NTAQ1: variants seen among roughly 807,000 people sequenced by gnomAD.
The protein encoded by NTAQ1 is protein N-terminal glutamine amidohydrolase.
NTAQ1 carries 21 observed loss-of-function variants against 28.2 expected under a neutral mutation model. The observed-to-expected ratio is 0.74, with a 90% CI of 0.53 to 1.07. The LOEUF is 1.07. NTAQ1 is among the 50% of genes least tolerant of loss of function. The pLI, the probability that NTAQ1 is intolerant of heterozygous loss-of-function variation, is 0.00. For synonymous variants in NTAQ1, 105 were observed against 90.0 expected, an observed-to-expected ratio of 1.17 and a Z score of -0.94; for missense variants, 264 against 256.6, an observed-to-expected ratio of 1.03 and a Z score of -0.20.
chr8:123,441,581 TAAA>T lies in NTAQ1; in HGVS notation c.*169_*171del. Reference sequence around the variant, plus strand: ...TGAATACAAATATAAATGAACAACATAAAAACTTTTGTTTTGACATGTCAAATT... The same window carrying T: ...TGAATACAAATATAAATGAACAACATAACTTTTGTTTTGACATGTCAAATT... On this transcript the variant is annotated 3_prime_UTR_variant, in exon 6 of 6. Coordinates refer to ENST00000287387, the MANE Select transcript of NTAQ1 (RefSeq NM_018024.3). 1 of 655,124 alleles carries T rather than the reference TAAA, an allele frequency of 1.5e-6. No individual in the cohort carries two copies. Among genetic ancestry groups the T allele is most frequent in the Non-Finnish European group, 2.6e-6 (1 of 380,334 alleles). The allele number at this position is 655,124 out of a possible 1,614,324, so 40.6% of individuals were successfully genotyped here. A position where few individuals can be genotyped will look rare whatever the true frequency, so the allele number is the denominator to read the frequency against.
intron 1 of NTAQ1, among the ~76,000 whole-genome samples, chr8:123,427,186 T>A (rs1029164064): frequency 6.6e-6 from 1 of 151,342 alleles, no homozygotes; most frequent in African/African-American, 2.4e-5. Context: ...TTACAGTATA[T>A]GATTATGCCC....
In NTAQ1 at chr8:123,416,886, C is replaced by T. The variant is rs1315502491; in HGVS notation, c.37C>T (p.Pro13Ser). The T allele has an allele frequency of 3.9e-6, 6 of 1,527,820 alleles. No homozygotes were observed. The highest frequency in any genetic ancestry group is 5.3e-6 in the Non-Finnish European group (6 of 1,138,312). 94.6% of individuals were successfully genotyped at this position (1,527,820 alleles called of 1,614,324 possible). ...GNGPAAVHYQ[P>S]ASPPRDACVY... Reference sequence around the variant, plus strand: ...TGGCCCCGCTGCTGTCCACTACCAGCCGGCCAGCCCCCCGCGGGACGCCTG... The same window carrying T: ...TGGCCCCGCTGCTGTCCACTACCAGTCGGCCAGCCCCCCGCGGGACGCCTG... Residue 13 changes from proline to serine, a missense_variant, in exon 1 of 6, where the codon CCG (proline) becomes TCG (serine). Coordinates refer to ENST00000287387, the MANE Select transcript of NTAQ1 (RefSeq NM_018024.3).
Position 123,416,941 on chromosome 8 carries a change from G to C in NTAQ1, c.83+9G>C. The stretch of plus-strand genomic sequence containing the variant: ...TACAGCAGCTGCTACTGGTGAGGGG[G>C]CGCGGGCGCAGCCTCTGGGTCTCCC... On this transcript the variant is annotated intron_variant, in intron 1 of 5. Coordinates refer to ENST00000287387, the MANE Select transcript of NTAQ1 (RefSeq NM_018024.3). 1 of 1,481,358 alleles carries C rather than the reference G, an allele frequency of 6.8e-7. No individual in the cohort carries two copies. The highest frequency in any genetic ancestry group is 1.3e-5 in the South Asian group (1 of 78,380). The allele number at this position is 1,481,358 out of a possible 1,614,324, so 91.8% of individuals were successfully genotyped here.
intron 6 of NTAQ1, chr8:123,447,916 T>A (rs528015319): frequency 2.0e-5 from 3 of 152,376 alleles, no homozygotes; most frequent in Non-Finnish European, 2.9e-5. Flanking sequence ...GGACTACATT[T>A]CCCATTCTCC....
downstream of NTAQ1, among the ~76,000 whole-genome samples, chr8:123,474,368 A>G (rs935754298): frequency 1.3e-5 from 2 of 152,154 alleles, no homozygotes; most frequent in Non-Finnish European, 2.9e-5. Context: ...ATGCCCTCCA[A>G]TTTGGCTTTG....
At chr8:123,464,246 C>T (rs1282225204) in intron 6 of NTAQ1, among the ~76,000 whole-genome samples, 1 of 152,162 alleles carries the variant, frequency 6.6e-6, no homozygotes, top group Non-Finnish European at 1.5e-5. Flanking sequence ...CTAAAGGGAC[C>T]AGTCAATGGA....
intron 6 of NTAQ1, among the ~76,000 whole-genome samples, chr8:123,455,647 A>C (rs1192251285): frequency 6.6e-6 from 1 of 151,400 alleles, no homozygotes; most frequent in Non-Finnish European, 1.5e-5. Flanking sequence ...CTGGTCTGGA[A>C]CCCCTGAGCT....
chr8:123,449,457 T>TA (rs2130370687), downstream of NTAQ1, among the ~76,000 whole-genome samples: 2 of 152,314 alleles, frequency 1.3e-5, no homozygotes, highest in East Asian at 3.9e-4. Flanking sequence ...GGCTCATGCC[T>TA]ATAATCCCAG....
At chr8:123,424,072 G>GTTTTTTTTTTTTTTTTTTTTTTTTTTT (rs35733686) in intron 1 of NTAQ1, among the ~76,000 whole-genome samples, 1 of 85,864 alleles carries the variant, frequency 1.2e-5, no homozygotes. Context: ...ATTTTTATGC[G>GTTTTTTTTTTTTTTTTTTTTTTTTTTT]TTTTTTTTTT....
intron 2 of NTAQ1, 78 bp from the exon 3 acceptor site, chr8:123,429,897 ATCCCGTCT>A: frequency 1.6e-6 from 1 of 639,290 alleles, no homozygotes; most frequent in Non-Finnish European, 2.3e-6. Context: ...AAAAAAAAAA[ATCCCGTCT>A]CAAAAAAAAA....
At chr8:123,444,150 G>A (rs866381523), downstream of NTAQ1, among the ~76,000 whole-genome samples, 17 of 151,684 alleles carry the variant, frequency 1.1e-4, no homozygotes, top group African/African-American at 3.9e-4. Context: ...TTTTCTGTAT[G>A]GAAAGAAGAT....
downstream of NTAQ1, among the ~76,000 whole-genome samples, chr8:123,452,977 G>A (rs1815547436): frequency 1.3e-5 from 2 of 152,192 alleles, no homozygotes; most frequent in African/African-American, 4.8e-5. Context: ...TTCACTTAGA[G>A]TCAATAGGCA....
Position 123,416,821 on chromosome 8 carries a change from G to C in NTAQ1, c.-29G>C. ...CGTCTGGTCCAGTCGGTCTTCCTCC[G>C]GCCCGGGCCCTGGCCCAGCTAGCCG... On this transcript the variant is annotated 5_prime_UTR_variant, in exon 1 of 6. Coordinates refer to ENST00000287387, the MANE Select transcript of NTAQ1 (RefSeq NM_018024.3). The C allele has an allele frequency of 6.6e-7, 1 of 1,518,790 alleles. No individual in the cohort carries two copies. The highest frequency in any genetic ancestry group is 8.8e-7 in the Non-Finnish European group (1 of 1,134,034). The allele number at this position is 1,518,790 out of a possible 1,614,324, so 94.1% of individuals were successfully genotyped here. A position where few individuals can be genotyped will look rare whatever the true frequency, so the allele number is the denominator to read the frequency against.
At chr8:123,456,619 A>G (rs188875610) in intron 6 of NTAQ1, among the ~76,000 whole-genome samples, 4 of 152,346 alleles carry the variant, frequency 2.6e-5, no homozygotes, top group Middle Eastern at 3.4e-3. Flanking sequence ...GTTGTTTTAC[A>G]TGATTGCCTC....
intron 4 of NTAQ1, 26 bp from the exon 5 acceptor site, chr8:123,437,179 CTAATG>C (rs1266093396): frequency 6.2e-7 from 1 of 1,612,084 alleles, no homozygotes; most frequent in Admixed American, 1.7e-5. Context: ...TGACATCTCC[CTAATG>C]TGAGTGTATA....
downstream of NTAQ1, among the ~76,000 whole-genome samples, chr8:123,446,639 G>A (rs966653282): frequency 5.9e-5 from 9 of 152,002 alleles, no homozygotes; most frequent in Admixed American, 2.6e-4. Flanking sequence ...TCCAATTCGC[G>A]CAAGACGAGC....
In NTAQ1 at chr8:123,421,571, C is replaced by T. The variant is rs138598003; in HGVS notation, c.83+4639C>T. Reference sequence around the variant, plus strand: ...TTGCCCAGGGTGGAGTGCAGTGGCTCGATCTCGGCTCACTGCAACCTCTGC... The same window carrying T: ...TTGCCCAGGGTGGAGTGCAGTGGCTTGATCTCGGCTCACTGCAACCTCTGC... On this transcript the variant is annotated intron_variant, in intron 1 of 5. Transcript: ENST00000287387. Among the ~76,000 whole-genome samples, 422 of 145,140 alleles carry T rather than the reference C, an allele frequency of 2.9e-3. 2 individuals are homozygous for T. The highest frequency in any genetic ancestry group is 0.01 in the African/African-American group (401 of 39,120).
At chr8:123,426,785 C>A (rs532623010) in intron 1 of NTAQ1, among the ~76,000 whole-genome samples, 1 of 151,884 alleles carries the variant, frequency 6.6e-6, no homozygotes, top group East Asian at 1.9e-4. Flanking sequence ...CATGGTGAAA[C>A]ACCATCTCTA....
At chr8:123,459,838 A>G (rs1042936177) in intron 6 of NTAQ1, among the ~76,000 whole-genome samples, 8 of 131,646 alleles carry the variant, frequency 6.1e-5, no homozygotes, top group Admixed American at 9.2e-5. Context: ...AGTTTCACTC[A>G]TTGCCCAGGC....
Sources: gnomAD v4.1 joint callset for allele counts (sites outside exome capture counted in the v4.1 genomes callset) on GRCh38, gnomAD v4.1.1 for gene constraint, MANE v1.5 for transcripts, NCBI Gene and HGNC (gene_info 2026-07-23, HGNC 2026-07-21) for gene names.